Variants in SOS1 observed in about 807,000 individuals in gnomAD.
The protein encoded by SOS1 is son of sevenless homolog 1.
SOS1 carries 25 observed loss-of-function variants against 157.6 expected under a neutral mutation model. That is an observed-to-expected ratio of 0.16 (90% confidence interval 0.12 to 0.22). The LOEUF (loss-of-function observed/expected upper bound fraction) is 0.22, where lower values mean the gene tolerates loss of function less well. Ranked by LOEUF, SOS1 falls within the 10% of genes least tolerant of loss-of-function variation. The pLI, the probability that SOS1 is intolerant of heterozygous loss-of-function variation, is 1.00. For synonymous variants in SOS1, 528 were observed against 534.0 expected, an observed-to-expected ratio of 0.99 and a Z score of 0.16; for missense variants, 1,237 against 1,599.1, an observed-to-expected ratio of 0.77 and a Z score of 3.86.
At chr2:39,055,589 GT>G (rs1671186555) in intron 4 of SOS1, among the ~76,000 whole-genome samples, 1 of 152,088 alleles carries the variant, frequency 6.6e-6, no homozygotes, top group African/African-American at 2.4e-5. Context: ...AATCAGGTGG[GT>G]TTTTTCACTC....
At chr2:38,991,586 A>G (rs1668735270) in intron 20 of SOS1, among the ~76,000 whole-genome samples, 1 of 152,226 alleles carries the variant, frequency 6.6e-6, no homozygotes, top group Admixed American at 6.5e-5. Flanking sequence ...GGACCTGGCC[A>G]GGGCAAGGTG....
chr2:39,026,424 A>AT (rs1191582471), intron 8 of SOS1, among the ~76,000 whole-genome samples: 4 of 152,164 alleles, frequency 2.6e-5, no homozygotes, highest in Non-Finnish European at 4.4e-5. Context: ...GTAACGAAAG[A>AT]TATTTTCCAA....
At chr2:39,097,370 TCCA>T (rs1672808590) in intron 1 of SOS1, among the ~76,000 whole-genome samples, 1 of 152,096 alleles carries the variant, frequency 6.6e-6, no homozygotes, top group African/African-American at 2.4e-5. Flanking sequence ...AAGGAAGCGG[TCCA>T]TGAACCAAAG....
intron 6 of SOS1, among the ~76,000 whole-genome samples, chr2:39,049,636 A>T (rs1670926852): frequency 6.6e-6 from 1 of 152,124 alleles, no homozygotes; most frequent in Non-Finnish European, 1.5e-5. Context: ...GGAATTCTGT[A>T]TTATATGCTT....
intron 8 of SOS1, among the ~76,000 whole-genome samples, chr2:39,029,116 TTTTATGG>T (rs1400312494): frequency 6.6e-6 from 1 of 152,214 alleles, no homozygotes; most frequent in Non-Finnish European, 1.5e-5. Flanking sequence ...TAAATTATTA[TTTTATGG>T]TACCAGCACA....
intron 6 of SOS1, among the ~76,000 whole-genome samples, chr2:39,044,125 G>A (rs1246116643): frequency 6.6e-6 from 1 of 152,188 alleles, no homozygotes; most frequent in Non-Finnish European, 1.5e-5. Flanking sequence ...GGGAGGCCGA[G>A]GCAGGTAGAT....
At chr2:39,119,423 G>T (rs1009442241) in intron 1 of SOS1, among the ~76,000 whole-genome samples, 1 of 152,106 alleles carries the variant, frequency 6.6e-6, no homozygotes, top group South Asian at 2.1e-4. Context: ...TAGCATAAAA[G>T]GTAAAACATA....
chr2:39,016,293 C>T (rs1026544033), intron 10 of SOS1, among the ~76,000 whole-genome samples: 5 of 151,960 alleles, frequency 3.3e-5, no homozygotes, highest in Non-Finnish European at 4.4e-5. Flanking sequence ...TCCCCTTCTC[C>T]GTTAGCTTTA....
chr2:39,062,434 T>TAAAAAAAAAAAAAAAAAA (rs1558495363), intron 2 of SOS1, among the ~76,000 whole-genome samples: 1 of 17,816 alleles, frequency 5.6e-5, no homozygotes, highest in African/African-American at 2.1e-4. Context: ...AAAAAAAAAA[T>TAAAAAAAAAAAAAAAAAA]TAAAAAAAAA....
chr2:39,124,243 T>C (rs1673997301), upstream of SOS1: 1 of 152,274 alleles, frequency 6.6e-6, no homozygotes, highest in Admixed American at 6.5e-5. Context: ...TGCAGACGGG[T>C]AGGCACGTGT....
intron 1 of SOS1, among the ~76,000 whole-genome samples, chr2:39,115,668 G>A (rs1255275944): frequency 2.6e-5 from 4 of 151,928 alleles, no homozygotes; most frequent in Non-Finnish European, 5.9e-5. Flanking sequence ...GAACTCTTGG[G>A]CTCAAGTAAT....
intron 1 of SOS1, among the ~76,000 whole-genome samples, chr2:39,083,159 C>A (rs980911773): frequency 1.3e-5 from 2 of 152,108 alleles, no homozygotes; most frequent in South Asian, 4.1e-4. Context: ...GGCCCCTCTA[C>A]TGATTTAGTT....
At position 39,071,931 on chromosome 2, in the gene SOS1, TTTTC is replaced by T. The variant is rs1222910074; in HGVS notation, c.88-4182_88-4179del. 3.3e-5 allele frequency among the ~76,000 whole-genome samples: 5 copies of T among 151,908 alleles called. 1 individual carries two copies. In the South Asian group the frequency reaches 6.3e-4, roughly 19 times the overall value. ...TGGCTTTTTTTTTTTTTTCAACTTG[TTTTC>T]TTTGTCCTTTTCTTCTTCTAAGCTA... On this transcript the variant is annotated intron_variant, in intron 1 of 22. Coordinates refer to ENST00000402219, the MANE Select transcript of SOS1 (RefSeq NM_005633.4).
chr2:39,008,957 G>A (rs1425558775), intron 15 of SOS1, among the ~76,000 whole-genome samples: 1 of 151,224 alleles, frequency 6.6e-6, no homozygotes, highest in Non-Finnish European at 1.5e-5. Flanking sequence ...CTTACAAGGG[G>A]TGGGGGTGGG....
intron 17 of SOS1, among the ~76,000 whole-genome samples, chr2:39,001,099 C>T (rs974922544): frequency 6.6e-6 from 1 of 152,222 alleles, no homozygotes; most frequent in Admixed American, 6.5e-5. Context: ...CGCCTTGTCA[C>T]CCAGGCGGGA....
chr2:39,052,610 T>C (rs1481732216), intron 5 of SOS1, among the ~76,000 whole-genome samples: 1 of 152,266 alleles, frequency 6.6e-6, no homozygotes, highest in Non-Finnish European at 1.5e-5. Context: ...GCACCCATGC[T>C]GTTGCACGCA....
At chr2:39,062,430 A>AAAT (rs1553363658) in intron 2 of SOS1, among the ~76,000 whole-genome samples, 1 of 127,476 alleles carries the variant, frequency 7.8e-6, no homozygotes, top group African/African-American at 4.9e-5. Context: ...AATAAAAAAA[A>AAAT]AAATTAAAAA....
rs541684711 is a variant in SOS1, at chr2:39,078,860, G to C, written c.88-11107C>G. On this transcript the variant is annotated intron_variant, in intron 1 of 22. Coordinates refer to ENST00000402219, the MANE Select transcript of SOS1 (RefSeq NM_005633.4). ...GCAGATCATGAGGTCAAGAGATCGAGATCATCCTGGCCAACATGGTGAAAC... is the reference window on the plus strand; with the variant it reads ...GCAGATCATGAGGTCAAGAGATCGACATCATCCTGGCCAACATGGTGAAAC... Among the ~76,000 whole-genome samples the C allele has an allele frequency of 5.9e-5, 9 of 152,136 alleles. No individual in the cohort carries two copies. In the South Asian group the frequency reaches 1.9e-3, roughly 32 times the overall value.
intron 20 of SOS1, chr2:38,993,497 T>C (rs1668795844): frequency 6.6e-6 from 1 of 152,182 alleles, no homozygotes; most frequent in Non-Finnish European, 1.5e-5. Context: ...CAACAAAGAC[T>C]ACTGGGTAAC....
Sources: allele counts gnomAD v4.1 joint callset (sites outside exome capture counted in the v4.1 genomes callset), GRCh38; gene constraint gnomAD v4.1.1; transcripts MANE v1.5; gene names NCBI Gene and HGNC (gene_info 2026-07-23, HGNC 2026-07-21).